The following GLYATL2 variants were observed in gnomAD, a reference collection of about 807,000 sequenced individuals.
GLYATL2 encodes the protein glycine N-acyltransferase-like protein 2.
Under a neutral mutation model 21.4 loss-of-function variants are expected in GLYATL2, and 25 were observed. The ratio of observed to expected loss-of-function variants is 1.17; its 90% CI spans 0.85 to 1.63. The LOEUF (loss-of-function observed/expected upper bound fraction) is 1.63. Ranked by LOEUF, GLYATL2 falls within the 40% of genes most tolerant of loss-of-function variation. The pLI is 0.00. For synonymous variants in GLYATL2, 114 were observed against 118.2 expected (o/e 0.96, Z 0.23); for missense variants, 361 against 343.3 (o/e 1.05, Z -0.41).
In GLYATL2 at chr11:58,841,232, G is replaced by A. The variant is rs2134575763; in HGVS notation, c.-40-1580C>T. On this transcript the variant is annotated intron_variant, in intron 1 of 5. Coordinates refer to ENST00000287275, the MANE Select transcript of GLYATL2 (RefSeq NM_145016.4). Reference sequence around the variant, plus strand: ...GACATCTATGTATGCATGTATATATGTAAGTGTATAGCCATAATCAATACA... The same window carrying A: ...GACATCTATGTATGCATGTATATATATAAGTGTATAGCCATAATCAATACA... 2.6e-5 allele frequency among the ~76,000 whole-genome samples: 4 copies of A among 152,276 alleles called. 1 individual carries two copies. The highest frequency in any genetic ancestry group is 6.8e-3 in the Middle Eastern group (2 of 294).
At chr11:58,903,343 A>T (rs1854771235) in intron 1 of GLYATL2, among the ~76,000 whole-genome samples, 1 of 152,112 alleles carries the variant, frequency 6.6e-6, no homozygotes, top group Non-Finnish European at 1.5e-5. Flanking sequence ...CTCTCTGTGA[A>T]CTTTCTTCTC....
Position 58,834,493 on chromosome 11 carries a change from A to C in GLYATL2, c.821T>G (p.Leu274Trp), listed in dbSNP as rs768290766. 2 of 1,612,976 alleles carry C rather than the reference A, an allele frequency of 1.2e-6. No individual in the cohort carries two copies. The highest frequency in any genetic ancestry group is 2.7e-5 in the African/African-American group (2 of 74,970). The change falls in exon 6 of 6, where the codon TTG becomes TGG. Residue 274 changes from leucine to tryptophan, a missense_variant. Physicochemically the swap from Leu to Trp is moderately conservative, Grantham distance 61. Transcript: ENST00000287275. Reference sequence around the variant, plus strand: ...GCCACAAGGACAAATCTTAAACCCCAAATTGTTCAGTGCCTGTAGGCTTTT... The same window carrying C: ...GCCACAAGGACAAATCTTAAACCCCCAATTGTTCAGTGCCTGTAGGCTTTT... ...NEKSLQALNN[L>W]GFKICPCGWH...
upstream of GLYATL2, among the ~76,000 whole-genome samples, chr11:58,906,420 C>G (rs558597486): frequency 2.0e-5 from 3 of 152,096 alleles, no homozygotes; most frequent in Admixed American, 2.0e-4. Context: ...AGAGCAGAAA[C>G]TTTATTCACT....
chr11:58,890,469 T>C (rs1854522404), intron 1 of GLYATL2, among the ~76,000 whole-genome samples: 1 of 152,166 alleles, frequency 6.6e-6, no homozygotes, highest in Non-Finnish European at 1.5e-5. Context: ...GGTACATATA[T>C]TCCTATGGAA....
At chr11:58,872,214 T>C (rs1854135306) in intron 1 of GLYATL2, among the ~76,000 whole-genome samples, 1 of 152,158 alleles carries the variant, frequency 6.6e-6, no homozygotes, top group South Asian at 2.1e-4. Context: ...GTTGCGAAAA[T>C]TTTCTCCCAT....
intron 1 of GLYATL2, among the ~76,000 whole-genome samples, chr11:58,897,725 A>T (rs534393408): frequency 6.6e-6 from 1 of 152,314 alleles, no homozygotes; most frequent in East Asian, 1.9e-4. Flanking sequence ...CTTCATAAAA[A>T]CTATTTATGA....
chr11:58,838,163 A>G (rs1853473515), intron 3 of GLYATL2, 98 bp downstream of exon 3: 2 of 758,316 alleles, frequency 2.6e-6, no homozygotes, highest in South Asian at 3.5e-5. Flanking sequence ...AACAGTGTCA[A>G]TGTTCTTCTC....
At chr11:58,881,773 T>C (rs1431135712) in intron 1 of GLYATL2, among the ~76,000 whole-genome samples, 2 of 152,144 alleles carry the variant, frequency 1.3e-5, no homozygotes, top group Non-Finnish European at 2.9e-5. Flanking sequence ...GTGTGTGATG[T>C]TCCCCGCCCT....
intron 1 of GLYATL2, among the ~76,000 whole-genome samples, chr11:58,862,440 G>A (rs1012209594): frequency 3.9e-5 from 6 of 152,148 alleles, no homozygotes; most frequent in African/African-American, 1.4e-4. Context: ...CACATGATAT[G>A]TACATTGGAT....
chr11:58,886,087 A>C (rs1326703765), intron 1 of GLYATL2, among the ~76,000 whole-genome samples: 1 of 152,102 alleles, frequency 6.6e-6, no homozygotes, highest in Non-Finnish European at 1.5e-5. Context: ...ATGGTGGTAC[A>C]TGTTTATACT....
Position 58,873,294 on chromosome 11 carries a change from A to T in GLYATL2, n.60+30862T>A, listed in dbSNP as rs1279806750. Among the ~76,000 whole-genome samples, 6 of 151,832 alleles carry T rather than the reference A, an allele frequency of 4.0e-5. No individual in the cohort carries two copies. The South Asian group carries it at 1.0e-3, about 27-fold the overall frequency. ...CCCTTTATTTCCTTCTCCTGCCTGA[A>T]TGCCCTGGCCAGAACTTCCAACACT... On this transcript the variant is annotated intron_variant and non_coding_transcript_variant, in intron 1 of 4. Coordinates refer to the GLYATL2 transcript ENST00000533636.
intron 1 of GLYATL2, among the ~76,000 whole-genome samples, chr11:58,861,486 G>A (rs934739852): frequency 6.6e-6 from 1 of 151,426 alleles, no homozygotes; most frequent in African/African-American, 2.4e-5. Flanking sequence ...CTGGATAAAG[G>A]TTTGTCAATC....
chr11:58,869,376 G>C (rs1027205380), intron 1 of GLYATL2, among the ~76,000 whole-genome samples: 1 of 152,210 alleles, frequency 6.6e-6, no homozygotes, highest in Non-Finnish European at 1.5e-5. Context: ...ACATGGTGCT[G>C]TTTGACAACA....
intron 1 of GLYATL2, among the ~76,000 whole-genome samples, chr11:58,868,745 GC>G (rs1296109544): frequency 6.7e-6 from 1 of 149,038 alleles, no homozygotes; most frequent in Non-Finnish European, 1.5e-5. Context: ...TCTCTTTGGG[GC>G]CAGCCGCAGC....
intron 1 of GLYATL2, among the ~76,000 whole-genome samples, chr11:58,857,374 G>T (rs1035537135): frequency 9.2e-5 from 14 of 152,188 alleles, no homozygotes; most frequent in Admixed American, 3.9e-4. Context: ...CTGGGGAGGG[G>T]TGTCTGTACA....
intron 1 of GLYATL2, among the ~76,000 whole-genome samples, chr11:58,871,516 G>A (rs1219141164): frequency 1.4e-5 from 2 of 141,450 alleles, no homozygotes; most frequent in East Asian, 2.1e-4. Context: ...TCCCACCTAT[G>A]AGTGAGAACA....
upstream of GLYATL2, among the ~76,000 whole-genome samples, chr11:58,847,020 A>G (rs1853656336): frequency 6.6e-6 from 1 of 152,084 alleles, no homozygotes; most frequent in South Asian, 2.1e-4. Flanking sequence ...AGGATAAGGC[A>G]CCAAATAGAG....
intron 1 of GLYATL2, among the ~76,000 whole-genome samples, chr11:58,854,343 G>T (rs553950668): frequency 4.9e-4 from 74 of 152,182 alleles, no homozygotes; most frequent in Non-Finnish European, 8.7e-4. Flanking sequence ...CTGCAATAAA[G>T]TGGGTATTCC....
chr11:58,847,257 CAG>C (rs1477843086), upstream of GLYATL2, among the ~76,000 whole-genome samples: 3 of 152,300 alleles, frequency 2.0e-5, no homozygotes, highest in East Asian at 5.8e-4. Flanking sequence ...AGGTGAGACT[CAG>C]CACATTTCCA....
Sources: gnomAD v4.1 joint callset for allele counts (sites outside exome capture counted in the v4.1 genomes callset) on GRCh38, gnomAD v4.1.1 for gene constraint, MANE v1.5 for transcripts, NCBI Gene and HGNC (gene_info 2026-07-23, HGNC 2026-07-21) for gene names.